PRUNE2: variants seen among roughly 807,000 people sequenced by gnomAD.
PRUNE2 encodes protein prune homolog 2.
In PRUNE2, 164 loss-of-function variants were observed where a neutral mutation model predicts 252.0. The observed-to-expected ratio is 0.65, with a 90% CI of 0.57 to 0.74. The LOEUF (loss-of-function observed/expected upper bound fraction) is 0.74. Among genes scored for constraint, PRUNE2 ranks in the 30% least tolerant of loss-of-function variants. The pLI is 0.00. For synonymous variants in PRUNE2, 1,292 were observed against 1,350.2 expected (o/e 0.96, Z 0.94); for missense variants, 3,495 against 3,711.0 (o/e 0.94, Z 1.51).
At chr9:76,826,989 A>G (rs2058381278) in intron 4 of PRUNE2, among the ~76,000 whole-genome samples, 1 of 152,202 alleles carries the variant, frequency 6.6e-6, no homozygotes, top group Non-Finnish European at 1.5e-5. Flanking sequence ...GAATTCACAG[A>G]TAAAGGAAAA....
At chr9:76,880,857 C>T (rs1320207651) in intron 1 of PRUNE2, among the ~76,000 whole-genome samples, 2 of 150,734 alleles carry the variant, frequency 1.3e-5, no homozygotes, top group African/African-American at 4.9e-5. Flanking sequence ...TTATTTTTAA[C>T]AAATTAAAAA....
Position 76,633,720 on chromosome 9 carries a change from G to A in PRUNE2, c.9050+2751C>T, listed in dbSNP as rs956864375. Among the ~76,000 whole-genome samples the A allele has an allele frequency of 2.6e-5, 4 of 152,138 alleles. No homozygotes were observed. In the East Asian group the frequency reaches 7.7e-4, roughly 29 times the overall value. ...CCAGTGAAGCCTAAACTATTTACTA[G>A]TTGAATCTTTATAAACAATGTTTGC... is the stretch of plus-strand genomic sequence containing the variant. On this transcript the variant is annotated intron_variant, in intron 15 of 18. Transcript: ENST00000376718.
At chr9:76,898,701 A>C (rs1351083678) in intron 1 of PRUNE2, among the ~76,000 whole-genome samples, 1 of 152,240 alleles carries the variant, frequency 6.6e-6, no homozygotes, top group Admixed American at 6.5e-5. Flanking sequence ...AAAAAACCTT[A>C]GTTCGGAAAT....
chr9:76,662,927 TAAAAAGA>T (rs72416490), intron 9 of PRUNE2, among the ~76,000 whole-genome samples: 1,928 of 152,152 alleles, frequency 0.013, 38 homozygotes, highest in African/African-American at 0.042. Context: ...GAAACAGAGA[TAAAAAGA>T]AAAAAGAAAA....
intron 6 of PRUNE2, among the ~76,000 whole-genome samples, chr9:76,754,958 C>T (rs559058655): frequency 4.2e-5 from 4 of 95,022 alleles, no homozygotes; most frequent in South Asian, 4.3e-4. Context: ...GAGTGAGACT[C>T]GGTCTCAAAA....
chr9:76,841,946 G>A (rs2059415769), intron 4 of PRUNE2, among the ~76,000 whole-genome samples: 1 of 152,006 alleles, frequency 6.6e-6, no homozygotes, highest in Non-Finnish European at 1.5e-5. Flanking sequence ...ATCCCCACCT[G>A]AGAAGAAAGC....
At chr9:76,644,676 C>T (rs511040) in intron 12 of PRUNE2, 63 bp downstream of exon 12, 880,514 of 1,520,748 alleles carry the variant, frequency 0.58, 256,816 homozygotes, top group South Asian at 0.69. Flanking sequence ...AGACTCACTT[C>T]ATGATTTTAA....
chr9:76,715,555 T>C (rs538782819), intron 6 of PRUNE2, among the ~76,000 whole-genome samples: 11 of 152,346 alleles, frequency 7.2e-5, no homozygotes, highest in African/African-American at 2.6e-4. Flanking sequence ...CAAGGATCTA[T>C]TGTAATGACA....
At position 76,854,212 on chromosome 9, in the gene PRUNE2, A is replaced by C; in HGVS notation, c.37-4T>G. The C allele has an allele frequency of 6.6e-7, 1 of 1,524,350 alleles. No individual in the cohort carries two copies. Among genetic ancestry groups the C allele is most frequent in the Non-Finnish European group, 9.0e-7 (1 of 1,109,404 alleles). The allele number at this position is 1,524,350 out of a possible 1,614,324, so 94.4% of individuals were successfully genotyped here. ...TCTCCAAGCGTTTGCTTCGATTCTG[A>C]AACAAATTCAAAGGAAACATCACAA... On this transcript the variant is annotated splice_region_variant and splice_polypyrimidine_tract_variant and intron_variant, in intron 1 of 18. Transcript: ENST00000376718.
chr9:76,693,330 TG>T (rs2044990715), intron 9 of PRUNE2, among the ~76,000 whole-genome samples: 1 of 150,774 alleles, frequency 6.6e-6, no homozygotes, highest in Non-Finnish European at 1.5e-5. Flanking sequence ...AATAGGGGGA[TG>T]GGCAATTTTA....
chr9:76,753,742 G>A (rs948891002), intron 6 of PRUNE2, among the ~76,000 whole-genome samples: 5 of 151,986 alleles, frequency 3.3e-5, no homozygotes, highest in African/African-American at 9.7e-5. Flanking sequence ...GTGAAACCCC[G>A]TCTATACTAA....
intron 1 of PRUNE2, chr9:76,856,659 A>G (rs2060264741): frequency 6.4e-6 from 1 of 156,090 alleles, no homozygotes; most frequent in Admixed American, 6.4e-5. Flanking sequence ...ATCTCTTTCC[A>G]TTTAAAGAGA....
chr9:76,719,791 C>T (rs653359), intron 6 of PRUNE2, among the ~76,000 whole-genome samples: 10,929 of 151,886 alleles, frequency 0.072, 513 homozygotes, highest in Middle Eastern at 0.13. Context: ...GGAATACAGG[C>T]GTGCACCACC....
chr9:76,884,226 G>A (rs554179007), intron 1 of PRUNE2, among the ~76,000 whole-genome samples: 1 of 152,228 alleles, frequency 6.6e-6, no homozygotes, highest in Admixed American at 6.5e-5. Flanking sequence ...TGGTTTCACT[G>A]CAACCCAAAT....
rs2046048627 is a variant in PRUNE2, at chr9:76,703,334, T to C, written c.8276+3A>G. On this transcript the variant is annotated splice_donor_region_variant and intron_variant, in intron 9 of 18. Transcript: ENST00000376718. ...AAAAAAATAAATCTAGCTTTTTGCT[T>C]ACCCATTTGGTCTTGATATCCTGGT... 1 of 1,559,010 alleles carries C rather than the reference T, an allele frequency of 6.4e-7. No homozygotes were observed. Among genetic ancestry groups the C allele is most frequent in the Non-Finnish European group, 8.7e-7 (1 of 1,155,606 alleles).
chr9:76,855,541 G>A (rs117048051), intron 1 of PRUNE2, among the ~76,000 whole-genome samples: 1 of 152,246 alleles, frequency 6.6e-6, no homozygotes, highest in Non-Finnish European at 1.5e-5. Flanking sequence ...ATATGGAACT[G>A]CTGGTATCAG....
At chr9:76,766,007 C>T (rs996970595) in intron 6 of PRUNE2, among the ~76,000 whole-genome samples, 46 of 151,952 alleles carry the variant, frequency 3.0e-4, no homozygotes, top group Admixed American at 3.3e-4. Context: ...ATGATGAAAC[C>T]CCGTCTCTAC....
intron 6 of PRUNE2, among the ~76,000 whole-genome samples, chr9:76,763,158 T>C (rs2051923829): frequency 6.6e-6 from 1 of 152,172 alleles, no homozygotes; most frequent in Admixed American, 6.5e-5. Flanking sequence ...TATAGCATCA[T>C]GACAAAAAGC....
chr9:76,861,523 G>A (rs1188559807), intron 1 of PRUNE2, among the ~76,000 whole-genome samples: 11 of 152,164 alleles, frequency 7.2e-5, no homozygotes, highest in African/African-American at 2.7e-4. Flanking sequence ...GTGGGTAGGC[G>A]ATGGGGGAGG....
Sources: allele counts gnomAD v4.1 joint callset (sites outside exome capture counted in the v4.1 genomes callset), GRCh38; gene constraint gnomAD v4.1.1; transcripts MANE v1.5; gene names NCBI Gene and HGNC (gene_info 2026-07-23, HGNC 2026-07-21).